Variants in PDE4D observed in about 807,000 individuals in gnomAD.
PDE4D encodes phosphodiesterase 4D.
Under a neutral mutation model 87.4 loss-of-function variants are expected in PDE4D, and 24 were observed. The observed-to-expected ratio is 0.27, with a 90% CI of 0.20 to 0.39. PDE4D has a LOEUF of 0.39. PDE4D is among the 10% of genes least tolerant of loss of function. PDE4D has a pLI of 1.00. For missense variants in PDE4D, 714 were observed against 1,041.0 expected, an observed-to-expected ratio of 0.69 and a Z score of 4.32; for synonymous variants, 384 against 383.2, an observed-to-expected ratio of 1.00 and a Z score of -0.02.
intron 1 of PDE4D, among the ~76,000 whole-genome samples, chr5:60,342,108 T>C (rs532906276): frequency 2.8e-4 from 42 of 152,324 alleles, no homozygotes; most frequent in African/African-American, 8.7e-4. Context: ...AACTCTGTGA[T>C]CATGGAAGAC....
chr5:59,646,605 A>G (rs1207943249), intron 1 of PDE4D, among the ~76,000 whole-genome samples: 3 of 152,236 alleles, frequency 2.0e-5, no homozygotes, highest in South Asian at 2.1e-4. Flanking sequence ...AAATATCTTT[A>G]TATATAAAAC....
intron 2 of PDE4D, among the ~76,000 whole-genome samples, chr5:60,011,926 G>A (rs767889800): frequency 2.0e-5 from 3 of 152,068 alleles, no homozygotes; most frequent in Non-Finnish European, 4.4e-5. Flanking sequence ...GGCTCTCATA[G>A]ACATTAAAAA....
intron 1 of PDE4D, among the ~76,000 whole-genome samples, chr5:59,613,032 C>T (rs1829205270): frequency 6.6e-6 from 1 of 152,184 alleles, no homozygotes; most frequent in East Asian, 1.9e-4. Flanking sequence ...TAGACTGGAG[C>T]AGCCTCACTC....
rs1748980409 is a variant in PDE4D, at chr5:60,255,719, G to T, written c.-89-70032C>A. 2.0e-5 allele frequency among the ~76,000 whole-genome samples: 3 copies of T among 151,846 alleles called. No individual in the cohort carries two copies. The South Asian group carries it at 6.2e-4, about 32-fold the overall frequency. On this transcript the variant is annotated intron_variant, in intron 1 of 16. Transcript: ENST00000502484. ...AAAGTAAGTATGGCCAGGTGCAGTG[G>T]CTCACACCTTTAATCCAAGGTGGGA...
chr5:59,071,537 C>T (rs141737577), intron 5 of PDE4D, among the ~76,000 whole-genome samples: 1 of 119,014 alleles, frequency 8.4e-6, no homozygotes, highest in Admixed American at 8.6e-5. Flanking sequence ...TTCCTATTCT[C>T]TGAGTTGTTT....
At chr5:59,481,811 GA>G (rs1160908585) in intron 1 of PDE4D, among the ~76,000 whole-genome samples, 3 of 149,046 alleles carry the variant, frequency 2.0e-5, no homozygotes, top group African/African-American at 7.4e-5. Context: ...TTTCAGTATT[GA>G]AAAAAAAATT....
At chr5:60,118,173 T>G (rs983324338) in intron 2 of PDE4D, among the ~76,000 whole-genome samples, 2 of 152,144 alleles carry the variant, frequency 1.3e-5, no homozygotes, top group Non-Finnish European at 2.9e-5. Flanking sequence ...CAAACAAGTT[T>G]CTGTCATTAA....
chr5:60,370,504 A>T lies in PDE4D; in HGVS notation c.-90+117438T>A, dbSNP rs141011849. On this transcript the variant is annotated intron_variant, in intron 1 of 16. Transcript: ENST00000502484. Reference sequence around the variant, plus strand: ...TATATAAGGAAAGGCAAGAATACAAATCAACCTAGAAGAGAAGGAAGTAAT... The same window carrying T: ...TATATAAGGAAAGGCAAGAATACAATTCAACCTAGAAGAGAAGGAAGTAAT... Among the ~76,000 whole-genome samples, 41 of 152,324 alleles carry T rather than the reference A, an allele frequency of 2.7e-4. 1 individual carries two copies. The East Asian group carries it at 3.3e-3, about 12-fold the overall frequency.
At chr5:59,072,043 A>G (rs982094115) in intron 5 of PDE4D, among the ~76,000 whole-genome samples, 2 of 151,958 alleles carry the variant, frequency 1.3e-5, no homozygotes, top group Non-Finnish European at 2.9e-5. Flanking sequence ...TCTTTCACTT[A>G]CTTTTTCTAA....
chr5:59,311,419 T>C (rs1036259306), intron 1 of PDE4D, among the ~76,000 whole-genome samples: 3 of 137,520 alleles, frequency 2.2e-5, no homozygotes, highest in African/African-American at 5.5e-5. Flanking sequence ...AAGCATCACT[T>C]GAACCCAGGA....
chr5:59,927,239 C>T (rs989387027), intron 3 of PDE4D, among the ~76,000 whole-genome samples: 3 of 152,176 alleles, frequency 2.0e-5, no homozygotes, highest in African/African-American at 7.2e-5. Flanking sequence ...TTCTTTCTCT[C>T]TTTTGTTTCT....
chr5:60,323,695 C>T (rs1756514266), intron 1 of PDE4D, among the ~76,000 whole-genome samples: 1 of 151,852 alleles, frequency 6.6e-6, no homozygotes, highest in South Asian at 2.1e-4. Flanking sequence ...TTACTACCAC[C>T]CCAAAGCCTT....
At chr5:59,160,741 A>G (rs150947555) in intron 5 of PDE4D, among the ~76,000 whole-genome samples, 39 of 152,292 alleles carry the variant, frequency 2.6e-4, no homozygotes, top group Middle Eastern at 3.4e-3. Flanking sequence ...CTTCAATGGA[A>G]CTAACTCCCT....
intron 1 of PDE4D, among the ~76,000 whole-genome samples, chr5:59,684,381 T>A (rs945947916): frequency 8.5e-5 from 13 of 152,148 alleles, no homozygotes; most frequent in African/African-American, 3.1e-4. Flanking sequence ...CTAGCACAAA[T>A]GCAGCTCTCG....
At chr5:60,122,891 C>T (rs991812730) in intron 2 of PDE4D, among the ~76,000 whole-genome samples, 7 of 152,302 alleles carry the variant, frequency 4.6e-5, no homozygotes, top group African/African-American at 1.7e-4. Flanking sequence ...TAACAGCACT[C>T]AAGTCACCTC....
intron 9 of PDE4D, 41 bp from the exon 10 acceptor site, chr5:58,989,960 T>A: frequency 7.7e-7 from 1 of 1,298,108 alleles, no homozygotes. Flanking sequence ...TGTCTTTATG[T>A]GAAAAATTTC....
chr5:59,698,046 A>C (rs998758810), intron 1 of PDE4D, among the ~76,000 whole-genome samples: 15 of 152,204 alleles, frequency 9.9e-5, no homozygotes, highest in African/African-American at 3.6e-4. Context: ...CCCATAAAAT[A>C]AATGGAGTTT....
intron 1 of PDE4D, among the ~76,000 whole-genome samples, chr5:59,463,386 G>A (rs915853918): frequency 2.0e-5 from 3 of 152,062 alleles, no homozygotes; most frequent in African/African-American, 7.2e-5. Flanking sequence ...CACATACATA[G>A]CATCTCCAAA....
chr5:60,507,533 G>T (rs1047966969), intron 1 of PDE4D, among the ~76,000 whole-genome samples: 2 of 151,766 alleles, frequency 1.3e-5, no homozygotes, highest in African/African-American at 2.4e-5. Flanking sequence ...TTTGGTATCT[G>T]GTGCAAAAAG....
Sources: allele counts gnomAD v4.1 joint callset (sites outside exome capture counted in the v4.1 genomes callset), GRCh38; gene constraint gnomAD v4.1.1; transcripts MANE v1.5; gene names NCBI Gene and HGNC (gene_info 2026-07-23, HGNC 2026-07-21).